Variants in TAOK1 observed in about 807,000 individuals in gnomAD.
TAOK1 encodes TAO kinase 1, also known as serine/threonine-protein kinase TAO1.
In TAOK1, 21 loss-of-function variants were observed where a neutral mutation model predicts 138.3. That is an observed-to-expected ratio of 0.15 (90% CI 0.11 to 0.22). TAOK1 has a LOEUF of 0.22. Among genes scored for constraint, TAOK1 ranks in the 10% least tolerant of loss-of-function variants. The pLI is 1.00. For synonymous variants in TAOK1, 361 were observed against 398.4 expected (o/e 0.91, Z 1.12); for missense variants, 651 against 1,227.7 (o/e 0.53, Z 7.02).
intron 1 of TAOK1, among the ~76,000 whole-genome samples, chr17:29,405,202 A>G (rs1904957886): frequency 3.3e-5 from 5 of 152,034 alleles, no homozygotes; most frequent in African/African-American, 1.2e-4. Flanking sequence ...TGGTCAGGCT[A>G]GTCTCAAACT....
chr17:29,410,629 T>TG (rs1322625227), intron 1 of TAOK1, among the ~76,000 whole-genome samples: 2 of 150,348 alleles, frequency 1.3e-5, no homozygotes, highest in African/African-American at 4.9e-5. Context: ...GTTTTTTTTT[T>TG]TTTTGGTTTT....
chr17:29,478,263 C>T lies in TAOK1; in HGVS notation c.365C>T (p.Pro122Leu). Residue 122 changes from proline to leucine, a missense_variant, in exon 6 of 20, where the codon CCA (proline) becomes CTA (leucine). Transcript: ENST00000261716. ...ASDLLEVHKK[P>L]LQEVEIAAIT... is the part of the protein sequence containing the mutation. ...AATAAATTTTAAGTTCACAAAAAGC[C>T]ATTACAAGAAGTGGAAATAGCAGCA... 6.3e-7 allele frequency: 1 copy of T among 1,593,002 alleles called. No individual in the cohort carries two copies. Among genetic ancestry groups the T allele is most frequent in the Non-Finnish European group, 8.5e-7 (1 of 1,172,106 alleles).
rs2031709762 is a variant in TAOK1 at position 29,510,983 on chromosome 17, G to C, written c.1695G>C (p.Gln565His). The C allele has an allele frequency of 6.3e-7, 1 of 1,598,688 alleles. No individual in the cohort carries two copies. Among genetic ancestry groups the C allele is most frequent in the East Asian group, 2.3e-5 (1 of 44,398 alleles). Residue 565 changes from glutamine to histidine, a missense_variant, in exon 15 of 20, where the codon CAG becomes CAC. Transcript: ENST00000261716. ...GAGAGTATAAACTTCGAAAAGAGCA[G>C]CTTAAAGAGGTACTTATGTCATAAA... Reference protein sequence around the residue: ...QKREYKLRKEQLKEELNENQS... With the variant: ...QKREYKLRKEHLKEELNENQS...
chr17:29,541,913 C>G (rs564328476), intron 19 of TAOK1, among the ~76,000 whole-genome samples: 1 of 151,754 alleles, frequency 6.6e-6, no homozygotes, highest in South Asian at 2.1e-4. Flanking sequence ...CTCGCTCTGT[C>G]GCCCAGGCTG....
rs539134554 is a variant in TAOK1 at position 29,472,950 on chromosome 17, TAGC to T, written c.205-2717_205-2715del. Among the ~76,000 whole-genome samples the T allele has an allele frequency of 1.5e-3, 224 of 152,346 alleles. 1 individual carries two copies. Among genetic ancestry groups the T allele is most frequent in the African/African-American group, 5.0e-3 (207 of 41,580 alleles). ...ATGGGCTGCAGAATGGATGGTGTAT[TAGC>T]AGGAATAAAAACAACATAAATCTCC... On this transcript the variant is annotated intron_variant, in intron 3 of 19. Coordinates refer to ENST00000261716, the MANE Select transcript of TAOK1 (RefSeq NM_020791.4).
chr17:29,481,437 A>G (rs2153026846), intron 7 of TAOK1, among the ~76,000 whole-genome samples: 1 of 151,920 alleles, frequency 6.6e-6, no homozygotes, highest in South Asian at 2.1e-4. Flanking sequence ...TGATCTGTCC[A>G]CCTCAGCCTC....
chr17:29,471,365 C>T (rs917467695), intron 3 of TAOK1, among the ~76,000 whole-genome samples: 1 of 141,888 alleles, frequency 7.0e-6, no homozygotes, highest in Non-Finnish European at 1.5e-5. Flanking sequence ...CTGCGACCTT[C>T]GCCTCCCGGG....
rs2559619 is a variant in TAOK1, at chr17:29,549,543, A to G, written c.*6521A>G. ...CACATTTTGCTTTTTCTGAGCCCCA[A>G]ATACATTGCCTGGGCATGAACATTG... On this transcript the variant is annotated 3_prime_UTR_variant, in exon 20 of 20. Transcript: ENST00000261716. The G allele has an allele frequency of 0.2, 30,486 of 152,180 alleles. 3,800 individuals are homozygous for G. The highest frequency in any genetic ancestry group is 0.27 in the Non-Finnish European group (18,641 of 67,990). The allele number at this position is 152,180 out of a possible 1,614,324, so 9.4% of individuals were successfully genotyped here.
At chr17:29,434,157 AC>A (rs896492072) in intron 1 of TAOK1, among the ~76,000 whole-genome samples, 1 of 151,982 alleles carries the variant, frequency 6.6e-6, no homozygotes, top group African/African-American at 2.4e-5. Flanking sequence ...AAGAAACTTT[AC>A]CCTTTTGCTG....
intron 18 of TAOK1, among the ~76,000 whole-genome samples, chr17:29,533,468 A>G (rs1384611833): frequency 2.0e-5 from 3 of 152,092 alleles, no homozygotes; most frequent in East Asian, 3.9e-4. Flanking sequence ...CAATCTCGGC[A>G]CTTTGGGAGG....
chr17:29,463,389 G>A (rs2030576560), intron 2 of TAOK1, among the ~76,000 whole-genome samples: 1 of 152,042 alleles, frequency 6.6e-6, no homozygotes, highest in African/African-American at 2.4e-5. Context: ...GGCCAACGTG[G>A]CGAAACCCCA....
intron 1 of TAOK1, among the ~76,000 whole-genome samples, chr17:29,395,801 G>T (rs1241744504): frequency 6.8e-6 from 1 of 147,488 alleles, no homozygotes; most frequent in Non-Finnish European, 1.5e-5. Context: ...GGCACTACAG[G>T]TACATGCCAC....
chr17:29,549,804 C>A lies in TAOK1; in HGVS notation c.*6782C>A, dbSNP rs1291656045. 6.6e-6 allele frequency: 1 copy of A among 152,138 alleles called. No individual in the cohort carries two copies. Among genetic ancestry groups the A allele is most frequent in the Non-Finnish European group, 1.5e-5 (1 of 68,004 alleles). 9.4% of individuals were successfully genotyped at this position (152,138 alleles called of 1,614,324 possible). A position where few individuals can be genotyped will look rare whatever the true frequency, so the allele number is the denominator to read the frequency against. On this transcript the variant is annotated 3_prime_UTR_variant, in exon 20 of 20. Transcript: ENST00000261716. Reference sequence around the variant, plus strand: ...AGACAGCTCTCTTTTGGTTCCCATTCCAAATGTGCTGCTGTCCTTCTTTGC... The same window carrying A: ...AGACAGCTCTCTTTTGGTTCCCATTACAAATGTGCTGCTGTCCTTCTTTGC...
intron 1 of TAOK1, among the ~76,000 whole-genome samples, chr17:29,397,110 C>T (rs112127750): frequency 0.013 from 1,859 of 144,816 alleles, 44 homozygotes; most frequent in African/African-American, 0.044. Flanking sequence ...GCCTGGCCAA[C>T]GTGGCGAAAC....
intron 3 of TAOK1, among the ~76,000 whole-genome samples, chr17:29,470,153 G>T (rs2030779482): frequency 6.6e-6 from 1 of 152,136 alleles, no homozygotes; most frequent in Non-Finnish European, 1.5e-5. Context: ...TTCTGGGTAT[G>T]GACCAAAGGA....
intron 1 of TAOK1, among the ~76,000 whole-genome samples, chr17:29,392,043 CG>C (rs1383678032): frequency 6.6e-6 from 1 of 152,048 alleles, no homozygotes. Context: ...GGTGAAACCC[CG>C]TCTCTGCTAA....
At chr17:29,408,747 G>T (rs150166768) in intron 1 of TAOK1, among the ~76,000 whole-genome samples, 1 of 150,896 alleles carries the variant, frequency 6.6e-6, no homozygotes, top group Non-Finnish European at 1.5e-5. Flanking sequence ...GAGTCTCACT[G>T]TGTCACCTAG....
intron 18 of TAOK1, among the ~76,000 whole-genome samples, chr17:29,532,643 G>A (rs137877950): frequency 0.012 from 1,831 of 152,234 alleles, 27 homozygotes; most frequent in Non-Finnish European, 0.015. Flanking sequence ...CACATGTTTC[G>A]GAGAGTACCG....
At chr17:29,466,961 A>G (rs1406704329) in intron 2 of TAOK1, among the ~76,000 whole-genome samples, 184 bp from the exon 3 acceptor site, 1 of 152,160 alleles carries the variant, frequency 6.6e-6, no homozygotes. Flanking sequence ...TTTTTAAAGC[A>G]CTAGCTCCAG....
Sources: gnomAD v4.1 joint callset for allele counts (sites outside exome capture counted in the v4.1 genomes callset) on GRCh38, gnomAD v4.1.1 for gene constraint, MANE v1.5 for transcripts, NCBI Gene and HGNC (gene_info 2026-07-23, HGNC 2026-07-21) for gene names.